The following MRE11 variants were observed in gnomAD, a reference collection of about 807,000 sequenced individuals.
The protein encoded by MRE11 is MRE11 double strand break repair nuclease.
A neutral mutation model predicts 91.7 loss-of-function variants in MRE11; 62 were observed. The observed-to-expected ratio is 0.68, with a 90% CI of 0.55 to 0.84. The LOEUF (loss-of-function observed/expected upper bound fraction) is 0.84, where lower values mean the gene tolerates loss of function less well. Ranked by LOEUF, MRE11 falls within the 40% of genes least tolerant of loss-of-function variation. MRE11 has a pLI of 0.00. For synonymous variants in MRE11, 273 were observed against 271.4 expected (o/e 1.01, Z -0.06); for missense variants, 796 against 852.9 (o/e 0.93, Z 0.83).
chr11:94,471,704 C>G lies in MRE11; in HGVS notation c.715G>C (p.Asp239His), dbSNP rs1258698614. 1.2e-6 allele frequency: 2 copies of G among 1,612,538 alleles called. No individual in the cohort carries two copies. The highest frequency in any genetic ancestry group is 1.7e-6 in the Non-Finnish European group (2 of 1,179,046). Residue 239 changes from aspartate (D) to histidine (H), a missense_variant, in exon 8 of 20, where the codon GAT (aspartate) becomes CAT (histidine). By Grantham distance (81) the Asp-to-His change is moderately conservative. Coordinates refer to ENST00000323929, the MANE Select transcript of MRE11 (RefSeq NM_005591.4). ...TGTTCATGGCCCCAGATAACAAGAT[C>G]AATGAAGTCATCCAAAAATTGTTCT... is the stretch of plus-strand genomic sequence containing the variant. Reference protein sequence around the residue: ...IPEQFLDDFIDLVIWGHEHEC... With the variant: ...IPEQFLDDFIHLVIWGHEHEC...
chr11:94,507,364 T>A, the MRE11 span, among the ~76,000 whole-genome samples: 1 of 152,242 alleles, frequency 6.6e-6, no homozygotes, highest in Non-Finnish European at 1.5e-5. Flanking sequence ...ATATACATGA[T>A]ATTGTTAACT....
chr11:94,481,400 T>C (rs1482255014), intron 4 of MRE11, among the ~76,000 whole-genome samples: 1 of 152,244 alleles, frequency 6.6e-6, no homozygotes, highest in Non-Finnish European at 1.5e-5. Flanking sequence ...ATGAATTTTA[T>C]TGTCTTGAAA....
In MRE11 at chr11:94,477,010, A is replaced by G. The variant is rs116525596; in HGVS notation, c.545-607T>C. Among the ~76,000 whole-genome samples, 905 of 152,310 alleles carry G rather than the reference A, an allele frequency of 5.9e-3. 5 individuals carry two copies. The highest frequency in any genetic ancestry group is 0.02 in the African/African-American group (818 of 41,570). Reference sequence around the variant, plus strand: ...GCTGAAATTACAGGCGTGTGCCAGCACGCCTGGCCTGTTCCAGGTTCTTGA... The same window carrying G: ...GCTGAAATTACAGGCGTGTGCCAGCGCGCCTGGCCTGTTCCAGGTTCTTGA... On this transcript the variant is annotated intron_variant, in intron 6 of 19. Coordinates refer to ENST00000323929, the MANE Select transcript of MRE11 (RefSeq NM_005591.4).
upstream of MRE11, chr11:94,498,739 T>A: frequency 3.5e-6 from 2 of 572,606 alleles, no homozygotes; most frequent in Non-Finnish European, 6.1e-6. Flanking sequence ...CTGTGGAGTT[T>A]GTGATTTTTT....
At chr11:94,505,297 T>C in the MRE11 span, among the ~76,000 whole-genome samples, 1 of 152,164 alleles carries the variant, frequency 6.6e-6, no homozygotes, top group South Asian at 2.1e-4. Flanking sequence ...GGAGATGACA[T>C]AGGAATAACT....
chr11:94,478,034 A>G lies in MRE11; in HGVS notation c.544+701T>C, dbSNP rs114056286. On this transcript the variant is annotated intron_variant, in intron 6 of 19. Coordinates refer to ENST00000323929, the MANE Select transcript of MRE11 (RefSeq NM_005591.4). The stretch of plus-strand genomic sequence containing the variant: ...AAGAGTTCTAGAGTTTATAATGAAG[A>G]GCTGGGGGACAGGGAGGGGTGCAGG... 3.0e-3 allele frequency among the ~76,000 whole-genome samples: 458 copies of G among 152,266 alleles called. 2 individuals carry two copies. The highest frequency in any genetic ancestry group is 0.011 in the African/African-American group (439 of 41,558).
At chr11:94,498,209 G>A (rs370895848), upstream of MRE11, 9 of 1,614,034 alleles carry the variant, frequency 5.6e-6, no homozygotes, top group East Asian at 2.2e-5. Context: ...ACAGGGGGCC[G>A]ATGTTCATGC....
intron 16 of MRE11, among the ~76,000 whole-genome samples, chr11:94,439,591 T>C (rs1293801803): frequency 6.6e-6 from 1 of 152,234 alleles, no homozygotes; most frequent in East Asian, 1.9e-4. Flanking sequence ...CTGAAGTCAG[T>C]ACAACATTGT....
chr11:94,471,685 T>A lies in MRE11; in HGVS notation c.734A>T (p.His245Leu), dbSNP rs1555013153. 6.2e-7 allele frequency: 1 copy of A among 1,612,716 alleles called. No individual in the cohort carries two copies. Among genetic ancestry groups the A allele is most frequent in the African/African-American group, 1.3e-5 (1 of 74,880 alleles). The part of the protein sequence containing the change: ...DDFIDLVIWG[H>L]EHECKIAPTK... ...TGGAGCTATTTTACACTCATGTTCA[T>A]GGCCCCAGATAACAAGATCAATGAA... Residue 245 changes from histidine (H) to leucine (L), a missense_variant, in exon 8 of 20, where the codon CAT becomes CTT. By Grantham distance (99) the His-to-Leu change is moderately conservative (BLOSUM62 -3). Coordinates refer to ENST00000323929, the MANE Select transcript of MRE11 (RefSeq NM_005591.4).
the MRE11 span, among the ~76,000 whole-genome samples, chr11:94,503,795 C>T: frequency 4.8e-5 from 7 of 145,754 alleles, no homozygotes; most frequent in Non-Finnish European, 7.4e-5. Flanking sequence ...CCACTGCACT[C>T]CAGCCTGGGC....
In MRE11 at chr11:94,459,847, C is replaced by T. The variant is rs574512181; in HGVS notation, c.1327-266G>A. On this transcript the variant is annotated intron_variant, in intron 12 of 19. Coordinates refer to ENST00000323929, the MANE Select transcript of MRE11 (RefSeq NM_005591.4). ...TATGATTAATAGAGATGAAATTAAC[C>T]AGTGTCATAGGCAAAATAAGAGCCC... is the stretch of plus-strand genomic sequence containing the variant. 1.1e-4 allele frequency among the ~76,000 whole-genome samples: 16 copies of T among 152,146 alleles called. No individual in the cohort carries two copies. The South Asian group carries it at 3.3e-3, about 32-fold the overall frequency.
At chr11:94,464,389 A>T (rs1946506410) in intron 10 of MRE11, 150 bp from the exon 11 acceptor site, 2 of 1,082,906 alleles carry the variant, frequency 1.8e-6, no homozygotes, top group South Asian at 3.0e-5. Flanking sequence ...ATGGAGCTAT[A>T]TCATTTATCC....
chr11:94,471,566 A>C lies in MRE11; in HGVS notation c.845+8T>G, dbSNP rs375401639. 6.2e-7 allele frequency: 1 copy of C among 1,611,828 alleles called. No homozygotes were observed. Among genetic ancestry groups the C allele is most frequent in the South Asian group, 1.1e-5 (1 of 91,020 alleles). ...CTTAAAAATTGGCTCAAAATATATA[A>C]CACTCACTTCTTTACAGCTTCTCCT... On this transcript the variant is annotated splice_region_variant and intron_variant, in intron 8 of 19. Coordinates refer to ENST00000323929, the MANE Select transcript of MRE11 (RefSeq NM_005591.4).
intron 3 of MRE11, among the ~76,000 whole-genome samples, chr11:94,490,256 T>C (rs1275753698): frequency 4.6e-5 from 7 of 152,090 alleles, no homozygotes; most frequent in South Asian, 2.1e-4. Context: ...GCCCCTAACA[T>C]ACCTTATACT....
In MRE11 at chr11:94,445,908, AAC is replaced by A. The variant is rs774564924; in HGVS notation, c.1784-17_1784-16del. 6.3e-7 allele frequency: 1 copy of A among 1,591,942 alleles called. No individual in the cohort carries two copies. Among genetic ancestry groups the A allele is most frequent in the Non-Finnish European group, 8.6e-7 (1 of 1,159,866 alleles). The stretch of plus-strand genomic sequence containing the variant: ...ACCAGTGTCTGCTGTTAGAAAAATG[AAC>A]AGTCAATGTACAAGCCTATCAGCAG... On this transcript the variant is annotated splice_polypyrimidine_tract_variant and intron_variant, in intron 15 of 19. Coordinates refer to ENST00000323929, the MANE Select transcript of MRE11 (RefSeq NM_005591.4).
chr11:94,511,541 G>A, the MRE11 span, among the ~76,000 whole-genome samples: 1 of 152,028 alleles, frequency 6.6e-6, no homozygotes, highest in African/African-American at 2.4e-5. Context: ...TGTGACACAG[G>A]GAGTATGAAA....
chr11:94,511,331 C>T, the MRE11 span, among the ~76,000 whole-genome samples: 2 of 152,200 alleles, frequency 1.3e-5, no homozygotes, highest in East Asian at 3.8e-4. Context: ...AGAAGCCAAG[C>T]AGATGCCAGC....
chr11:94,467,270 G>C (rs1025900237), intron 10 of MRE11, among the ~76,000 whole-genome samples: 6 of 152,232 alleles, frequency 3.9e-5, no homozygotes, highest in African/African-American at 1.4e-4. Context: ...AGGATAAGCA[G>C]ATTTATAGGC....
chr11:94,480,436 C>A (rs912179041), intron 4 of MRE11, among the ~76,000 whole-genome samples: 5 of 152,216 alleles, frequency 3.3e-5, no homozygotes, highest in Non-Finnish European at 7.4e-5. Flanking sequence ...TACTCCATTG[C>A]ATGGATCACC....
Sources: gnomAD v4.1 joint callset for allele counts (sites outside exome capture counted in the v4.1 genomes callset) on GRCh38, gnomAD v4.1.1 for gene constraint, MANE v1.5 for transcripts, NCBI Gene and HGNC (gene_info 2026-07-23, HGNC 2026-07-21) for gene names.